Variants in CAMTA1 observed in about 807,000 individuals in gnomAD.
CAMTA1 encodes the protein calmodulin-binding transcription activator 1.
CAMTA1 carries 27 observed loss-of-function variants against 170.9 expected under a neutral mutation model. That is an observed-to-expected ratio of 0.16 (90% CI 0.12 to 0.22). The LOEUF (loss-of-function observed/expected upper bound fraction) is 0.22, where lower values mean the gene tolerates loss of function less well. Among genes scored for constraint, CAMTA1 ranks in the 10% least tolerant of loss-of-function variants. The pLI is 1.00. For synonymous variants in CAMTA1, 833 were observed against 891.5 expected, an observed-to-expected ratio of 0.93 and a Z score of 1.17; for missense variants, 1,619 against 2,217.2, an observed-to-expected ratio of 0.73 and a Z score of 5.42.
intron 6 of CAMTA1, among the ~76,000 whole-genome samples, chr1:7,498,787 A>ATATGAG (rs2093893360): frequency 6.9e-6 from 1 of 145,662 alleles, no homozygotes; most frequent in Non-Finnish European, 1.5e-5. Flanking sequence ...ATGTGTATGT[A>ATATGAG]TGTGTGTGCA....
At chr1:7,440,474 TTTGA>T (rs1250377707) in intron 5 of CAMTA1, among the ~76,000 whole-genome samples, 1 of 152,224 alleles carries the variant, frequency 6.6e-6, no homozygotes, top group African/African-American at 2.4e-5. Context: ...ATCTTGAAGG[TTTGA>T]TTGATTGCGT....
At chr1:7,353,036 G>T (rs72642818) in intron 5 of CAMTA1, among the ~76,000 whole-genome samples, 1 of 152,182 alleles carries the variant, frequency 6.6e-6, no homozygotes, top group Non-Finnish European at 1.5e-5. Context: ...GCCCTTGACC[G>T]CCTGGTGAAA....
At chr1:7,272,692 C>CAAAAAAAAAAAAAAAGAAAAAAAA (rs1669990359) in intron 5 of CAMTA1, among the ~76,000 whole-genome samples, 1 of 38,802 alleles carries the variant, frequency 2.6e-5, no homozygotes, top group Non-Finnish European at 4.6e-5. Context: ...TAAACACATG[C>CAAAAAAAAAAAAAAAGAAAAAAAA]AAAAAAAAAA....
chr1:7,121,453 C>G (rs917543286), intron 4 of CAMTA1, among the ~76,000 whole-genome samples: 1 of 152,240 alleles, frequency 6.6e-6, no homozygotes. Flanking sequence ...TGCTAGAGAA[C>G]AGCCACACAC....
chr1:7,035,140 A>C (rs914709883), intron 3 of CAMTA1, among the ~76,000 whole-genome samples: 1 of 152,130 alleles, frequency 6.6e-6, no homozygotes, highest in Non-Finnish European at 1.5e-5. Context: ...GGTGGCTCAT[A>C]CCTGTAATTC....
chr1:6,924,352 AGGGGGTCAGGCCAG>A (rs1279761469), intron 3 of CAMTA1, among the ~76,000 whole-genome samples: 1 of 151,774 alleles, frequency 6.6e-6, no homozygotes, highest in East Asian at 1.9e-4. Flanking sequence ...GCCAGCTGGG[AGGGGGTCAGGCCAG>A]CTGGGAGGGG....
In CAMTA1 at chr1:7,747,685, T is replaced by C. The variant is rs368671953; in HGVS notation, c.4618-25T>C. The C allele has an allele frequency of 1.8e-5, 28 of 1,544,572 alleles. No individual in the cohort carries two copies. In the East Asian group the frequency reaches 3.7e-4, roughly 21 times the overall value. On this transcript the variant is annotated intron_variant, in intron 18 of 22. Transcript: ENST00000303635. The stretch of plus-strand genomic sequence containing the variant: ...TCTGGTAGTTAATCATTACTGATTT[T>C]TTTTCTCCTTACTTTACCCTTAAGG...
Position 7,680,892 on chromosome 1 carries a change from C to CA in CAMTA1, c.2914+3159_2914+3160insA, listed in dbSNP as rs2096196262. ...GCAGCAGCAGCAGCAGCTGCTGCGG[C>CA]GAAGTCTTTGTCCCCGCGGCGCAGC... On this transcript the variant is annotated intron_variant, in intron 11 of 22. Transcript: ENST00000303635. This position sits in a 1 kb window ranked among gnomAD's most constrained non-coding sequence, Gnocchi z 4.4. 9.3e-5 allele frequency among the ~76,000 whole-genome samples: 14 copies of CA among 151,028 alleles called. No homozygotes were observed. The highest frequency in any genetic ancestry group is 1.9e-4 in the Non-Finnish European group (13 of 67,576).
intron 3 of CAMTA1, among the ~76,000 whole-genome samples, chr1:6,944,372 G>A (rs780055860): frequency 3.5e-4 from 54 of 152,236 alleles, no homozygotes; most frequent in Non-Finnish European, 2.6e-4. Context: ...ACAGTCCTCT[G>A]TTCAACCCGG....
intron 3 of CAMTA1, among the ~76,000 whole-genome samples, chr1:6,852,716 G>A (rs751451213): frequency 4.6e-5 from 7 of 152,200 alleles, no homozygotes; most frequent in African/African-American, 7.2e-5. Context: ...TCACCATCCC[G>A]GAAGCTGTCT....
chr1:7,129,042 T>C (rs1645097197), intron 4 of CAMTA1, among the ~76,000 whole-genome samples: 1 of 151,894 alleles, frequency 6.6e-6, no homozygotes, highest in Non-Finnish European at 1.5e-5. Flanking sequence ...CTCACTATGT[T>C]GGACAGGCTG....
rs1308359004 is a variant in CAMTA1, at chr1:7,381,603, C to T, written c.439-86227C>T. The stretch of plus-strand genomic sequence containing the variant: ...AAGTCTTTGCTATTGTGAATAGTGC[C>T]GCAATAAACACATGTGTGCATGTGT... On this transcript the variant is annotated intron_variant, in intron 5 of 22. Transcript: ENST00000303635. 2.8e-4 allele frequency among the ~76,000 whole-genome samples: 43 copies of T among 151,224 alleles called. 1 individual carries two copies. Among genetic ancestry groups the T allele is most frequent in the Non-Finnish European group, 3.8e-4 (26 of 67,872 alleles).
chr1:7,761,018 TA>T (rs2096970995), intron 22 of CAMTA1, among the ~76,000 whole-genome samples: 1 of 152,380 alleles, frequency 6.6e-6, no homozygotes, highest in Admixed American at 6.5e-5. Flanking sequence ...CTGATGGAAG[TA>T]AACCCTGTGG....
intron 4 of CAMTA1, among the ~76,000 whole-genome samples, chr1:7,139,806 C>T (rs1645788740): frequency 6.6e-6 from 1 of 152,182 alleles, no homozygotes; most frequent in East Asian, 1.9e-4. Flanking sequence ...TCTCCCTGAG[C>T]AGCAGTTCGC....
chr1:7,245,444 A>G (rs1665612469), intron 4 of CAMTA1, among the ~76,000 whole-genome samples: 1 of 151,840 alleles, frequency 6.6e-6, no homozygotes, highest in South Asian at 2.1e-4. Context: ...CTATAAGCCA[A>G]TAGCTTATAG....
intron 3 of CAMTA1, among the ~76,000 whole-genome samples, chr1:6,993,822 A>C (rs1413128043): frequency 1.3e-5 from 2 of 151,924 alleles, no homozygotes; most frequent in Non-Finnish European, 2.9e-5. Flanking sequence ...TTTAAACTGG[A>C]GTGTTTAGTC....
At chr1:7,324,497 T>C (rs997460229) in intron 5 of CAMTA1, among the ~76,000 whole-genome samples, 1 of 152,220 alleles carries the variant, frequency 6.6e-6, no homozygotes, top group Non-Finnish European at 1.5e-5. Context: ...TATAGCACTT[T>C]CCATTTGTTG....
chr1:6,887,754 G>A lies in CAMTA1; in HGVS notation c.234+62544G>A, dbSNP rs764758251. ...ATTGGAATGAAAGCTGGCAGAATTC[G>A]TAGGGAGAGCTTTCCCATCCTGCCA... is the stretch of plus-strand genomic sequence containing the variant. On this transcript the variant is annotated intron_variant, in intron 3 of 22. Coordinates refer to ENST00000303635, the MANE Select transcript of CAMTA1 (RefSeq NM_015215.4). The surrounding 1 kb of genome is among the most constrained non-coding windows in gnomAD (Gnocchi z 4.1). The A allele has an allele frequency of 6.2e-5, 95 of 1,534,880 alleles. 1 individual carries two copies. The highest frequency in any genetic ancestry group is 4.5e-4 in the South Asian group (38 of 83,964).
In CAMTA1 at chr1:7,663,456, G is replaced by A. The variant is rs1254582911; in HGVS notation, c.909G>A (p.Val303=). The A allele has an allele frequency of 6.3e-7, 1 of 1,590,768 alleles. No individual in the cohort carries two copies. Among genetic ancestry groups the A allele is most frequent in the Admixed American group, 1.7e-5 (1 of 59,180 alleles). ...GGGGGTACGGGAGCCACTCGGAGGT[G>A]CAGCACAATGACGTGTCGGAGGGCA... ...RTGGYGSHSE[V]QHNDVSEGKH... is the part of the protein sequence containing the mutation. The change falls in exon 9 of 23, where the codon GTG becomes GTA. Residue 303 remains valine, a synonymous_variant. Coordinates refer to ENST00000303635, the MANE Select transcript of CAMTA1 (RefSeq NM_015215.4).
Sources: allele counts gnomAD v4.1 joint callset (sites outside exome capture counted in the v4.1 genomes callset), GRCh38; gene constraint gnomAD v4.1.1; non-coding constraint Gnocchi (gnomAD v3.1); transcripts MANE v1.5; gene names NCBI Gene and HGNC (gene_info 2026-07-23, HGNC 2026-07-21).